GRIN2A: variants seen among roughly 807,000 people sequenced by gnomAD.
The protein encoded by GRIN2A is glutamate ionotropic receptor NMDA type subunit 2A, also known as glutamate receptor ionotropic, NMDA 2A.
Under a neutral mutation model 113.4 loss-of-function variants are expected in GRIN2A, and 22 were observed. The ratio of observed to expected loss-of-function variants is 0.19; its 90% CI spans 0.14 to 0.28. The LOEUF (loss-of-function observed/expected upper bound fraction) is 0.28. GRIN2A is among the 10% of genes least tolerant of loss of function. GRIN2A has a pLI of 1.00. For missense variants in GRIN2A, 1,502 were observed against 1,887.0 expected, an observed-to-expected ratio of 0.80 and a Z score of 3.78; for synonymous variants, 827 against 738.4, an observed-to-expected ratio of 1.12 and a Z score of -1.94.
intron 2 of GRIN2A, among the ~76,000 whole-genome samples, chr16:10,008,935 T>A (rs893797708): frequency 1.1e-4 from 16 of 152,232 alleles, no homozygotes; most frequent in African/African-American, 3.9e-4. Flanking sequence ...TGGGTCTTTT[T>A]GGTGCCAGAC....
intron 2 of GRIN2A, among the ~76,000 whole-genome samples, chr16:10,135,103 C>T (rs1480993625): frequency 6.6e-6 from 1 of 152,202 alleles, no homozygotes; most frequent in Admixed American, 6.5e-5. Flanking sequence ...TTTCCTCTCA[C>T]ATTTTACTAA....
chr16:9,952,033 C>T (rs2141675485), intron 2 of GRIN2A, among the ~76,000 whole-genome samples: 1 of 152,278 alleles, frequency 6.6e-6, no homozygotes, highest in Non-Finnish European at 1.5e-5. Flanking sequence ...ATATTTGCTG[C>T]AAACTTTGTA....
At chr16:10,038,399 C>G (rs2141949506) in intron 2 of GRIN2A, among the ~76,000 whole-genome samples, 1 of 152,168 alleles carries the variant, frequency 6.6e-6, no homozygotes, top group South Asian at 2.1e-4. Flanking sequence ...GTTTCTTAAC[C>G]CCAGCACTGC....
intron 2 of GRIN2A, among the ~76,000 whole-genome samples, chr16:10,085,900 C>T (rs1051142059): frequency 1.3e-5 from 2 of 152,026 alleles, no homozygotes; most frequent in East Asian, 1.9e-4. Context: ...ACCAGTCTGG[C>T]CCCAAAGTTT....
intron 2 of GRIN2A, among the ~76,000 whole-genome samples, chr16:10,097,652 G>A (rs144597157): frequency 2.6e-5 from 4 of 152,272 alleles, no homozygotes; most frequent in African/African-American, 9.6e-5. Flanking sequence ...GGGCAGTGGT[G>A]GGGACAGGGA....
rs1033970659 is a variant in GRIN2A at position 10,050,403 on chromosome 16, T to C, written c.415-111852A>G. Among the ~76,000 whole-genome samples the C allele has an allele frequency of 2.0e-5, 3 of 152,094 alleles. No homozygotes were observed. The East Asian group carries it at 5.8e-4, about 29-fold the overall frequency. On this transcript the variant is annotated intron_variant, in intron 2 of 12. Coordinates refer to ENST00000330684, the MANE Select transcript of GRIN2A (RefSeq NM_001134407.3). ...TATCTGTATTTATAGCTGCTCCCCA[T>C]TGCTTGCATTACCACCTGAGCTCCA...
intron 1 of GRIN2A, among the ~76,000 whole-genome samples, chr16:10,181,268 G>A (rs547908202): frequency 3.3e-4 from 49 of 149,058 alleles, no homozygotes; most frequent in African/African-American, 9.1e-4. Context: ...GTGCAATGCT[G>A]AATTCTGGAG....
At chr16:10,156,487 AG>A (rs2049696533) in intron 2 of GRIN2A, among the ~76,000 whole-genome samples, 2 of 152,226 alleles carry the variant, frequency 1.3e-5, no homozygotes, top group Non-Finnish European at 2.9e-5. Flanking sequence ...TCCTGCAAGT[AG>A]GCACAGATTT....
intron 11 of GRIN2A, among the ~76,000 whole-genome samples, chr16:9,781,311 G>C (rs1490291355): frequency 6.6e-6 from 1 of 152,172 alleles, no homozygotes; most frequent in Non-Finnish European, 1.5e-5. Flanking sequence ...CTGCTAGATA[G>C]TGGTAAAATT....
At chr16:9,783,304 G>A (rs1042617894) in intron 11 of GRIN2A, among the ~76,000 whole-genome samples, 2 of 152,192 alleles carry the variant, frequency 1.3e-5, no homozygotes, top group African/African-American at 4.8e-5. Context: ...TAGCCATTGC[G>A]TCCAAATCTA....
At chr16:9,861,760 T>A (rs555653574) in intron 4 of GRIN2A, among the ~76,000 whole-genome samples, 1 of 152,340 alleles carries the variant, frequency 6.6e-6, no homozygotes, top group East Asian at 1.9e-4. Context: ...CAAGTTTCTA[T>A]GCAGAAATTA....
intron 2 of GRIN2A, 41 bp downstream of exon 2, chr16:10,179,957 G>A: frequency 1.3e-6 from 2 of 1,575,976 alleles, no homozygotes; most frequent in Non-Finnish European, 1.7e-6. Context: ...TGCAGCTGGT[G>A]GCTTCCCAGG....
At chr16:9,806,611 G>A (rs1408113671) in intron 10 of GRIN2A, among the ~76,000 whole-genome samples, 2 of 151,946 alleles carry the variant, frequency 1.3e-5, no homozygotes, top group East Asian at 3.9e-4. Context: ...GATGGAAGGA[G>A]GTACCAAGCA....
chr16:9,790,276 C>T (rs976432212), intron 11 of GRIN2A, among the ~76,000 whole-genome samples: 4 of 152,214 alleles, frequency 2.6e-5, no homozygotes, highest in South Asian at 4.2e-4. Context: ...TTTTGTGTTC[C>T]CTTTGTTTTG....
chr16:10,161,283 G>T (rs1596565823), intron 2 of GRIN2A, among the ~76,000 whole-genome samples: 2 of 152,086 alleles, frequency 1.3e-5, no homozygotes, highest in Non-Finnish European at 2.9e-5. Context: ...TTCCCCTTCT[G>T]CCATGATTGT....
intron 2 of GRIN2A, among the ~76,000 whole-genome samples, chr16:10,039,813 A>AAAAG: frequency 1.4e-5 from 1 of 73,582 alleles, no homozygotes; most frequent in Non-Finnish European, 2.5e-5. Context: ...GGGGGGGAGA[A>AAAAG]AGAGAGAGAG....
At chr16:10,121,983 G>A (rs965569449) in intron 2 of GRIN2A, among the ~76,000 whole-genome samples, 1 of 152,148 alleles carries the variant, frequency 6.6e-6, no homozygotes, top group Non-Finnish European at 1.5e-5. Flanking sequence ...GGAAAAGATT[G>A]CTACTGGGTT....
At position 10,180,910 on chromosome 16, in the gene GRIN2A, C is replaced by A. The variant is rs2050256196; in HGVS notation, c.-18-481G>T. 1.1e-5 allele frequency: 2 copies of A among 189,316 alleles called. No individual in the cohort carries two copies. The highest frequency in any genetic ancestry group is 1.1e-5 in the Non-Finnish European group (1 of 89,954). 11.7% of individuals were successfully genotyped at this position (189,316 alleles called of 1,614,324 possible). ...GGAGCGAACTACAGACCCCGCAGGG[C>A]GTGCGGAGGCGGCACCCAGACCCCG... On this transcript the variant is annotated intron_variant, in intron 1 of 12. Coordinates refer to ENST00000330684, the MANE Select transcript of GRIN2A (RefSeq NM_001134407.3). The surrounding 1 kb of genome is among the most constrained non-coding windows in gnomAD (Gnocchi z 7.0).
intron 2 of GRIN2A, among the ~76,000 whole-genome samples, chr16:10,008,920 T>A (rs766487823): frequency 3.9e-5 from 6 of 152,222 alleles, no homozygotes; most frequent in Non-Finnish European, 7.3e-5. Context: ...AGTATATTTA[T>A]TTGTTGGGTC....
Sources: allele counts gnomAD v4.1 joint callset (sites outside exome capture counted in the v4.1 genomes callset), GRCh38; gene constraint gnomAD v4.1.1; non-coding constraint Gnocchi (gnomAD v3.1); transcripts MANE v1.5; gene names NCBI Gene and HGNC (gene_info 2026-07-23, HGNC 2026-07-21).